ROS1: variants seen among roughly 807,000 people sequenced by gnomAD.
ROS1 encodes the protein ROS proto-oncogene 1, receptor tyrosine kinase, also known as proto-oncogene tyrosine-protein kinase ROS.
In ROS1, 263 loss-of-function variants were observed where a neutral mutation model predicts 273.5. That is an observed-to-expected ratio of 0.96 (90% CI 0.87 to 1.06). The LOEUF (loss-of-function observed/expected upper bound fraction) is 1.06, where lower values mean the gene tolerates loss of function less well. Among genes scored for constraint, ROS1 ranks in the 50% least tolerant of loss-of-function variants. The pLI is 0.00. For missense variants in ROS1, 2,833 were observed against 2,751.1 expected (o/e 1.03, Z -0.67); for synonymous variants, 1,008 against 954.1 (o/e 1.06, Z -1.04).
intron 42 of ROS1, 109 bp downstream of exon 42, chr6:117,308,685 A>T: frequency 9.7e-7 from 1 of 1,035,938 alleles, no homozygotes; most frequent in Non-Finnish European, 1.4e-6. Flanking sequence ...TACAATATTT[A>T]AGTTCCAGTT....
intron 18 of ROS1, among the ~76,000 whole-genome samples, chr6:117,375,698 G>C (rs778185424): frequency 8.5e-5 from 13 of 152,142 alleles, no homozygotes; most frequent in Non-Finnish European, 1.5e-4. Context: ...TGTGGCCATA[G>C]TAATATCAGA....
At chr6:117,346,383 A>C (rs564536888) in intron 27 of ROS1, among the ~76,000 whole-genome samples, 13 of 152,180 alleles carry the variant, frequency 8.5e-5, no homozygotes, top group African/African-American at 2.9e-4. Flanking sequence ...GTACCTAGAA[A>C]CTAGCAACAT....
intron 28 of ROS1, among the ~76,000 whole-genome samples, chr6:117,343,693 G>A (rs1039682699): frequency 2.6e-5 from 4 of 152,110 alleles, no homozygotes; most frequent in Admixed American, 6.5e-5. Context: ...TGTTCTTTCC[G>A]TCCAGTTCAT....
chr6:117,326,553 A>G (rs2128582887), intron 33 of ROS1, 139 bp from the exon 34 acceptor site: 3 of 547,780 alleles, frequency 5.5e-6, no homozygotes, highest in Non-Finnish European at 6.2e-6. Context: ...CTCTCCCATA[A>G]TCTGGCAACA....
chr6:117,333,839 A>G (rs992508898), intron 32 of ROS1, among the ~76,000 whole-genome samples: 1 of 152,186 alleles, frequency 6.6e-6, no homozygotes, highest in Non-Finnish European at 1.5e-5. Flanking sequence ...TTTATGGAAC[A>G]TATCTCTAAA....
intron 26 of ROS1, among the ~76,000 whole-genome samples, chr6:117,354,783 A>T (rs541948104): frequency 6.6e-6 from 1 of 152,252 alleles, no homozygotes; most frequent in African/African-American, 2.4e-5. Flanking sequence ...AAAGAAAAAA[A>T]TTATTCTGAC....
chr6:117,409,374 C>G (rs1298285498), intron 5 of ROS1, among the ~76,000 whole-genome samples: 4 of 152,114 alleles, frequency 2.6e-5, no homozygotes, highest in Admixed American at 1.3e-4. Context: ...GTACTGTTTA[C>G]TCTGTTTTGT....
rs201337970 is a variant in ROS1, at chr6:117,310,319, C to T, written c.6216-38G>A. 76 of 1,295,730 alleles carry T rather than the reference C, an allele frequency of 5.9e-5. 1 individual carries two copies. The highest frequency in any genetic ancestry group is 4.3e-4 in the Admixed American group (18 of 42,328). The allele number at this position is 1,295,730 out of a possible 1,614,324, so 80.3% of individuals were successfully genotyped here. A position where few individuals can be genotyped will look rare whatever the true frequency, so the allele number is the denominator to read the frequency against. On this transcript the variant is annotated intron_variant, in intron 40 of 43. Transcript: ENST00000368507. Reference sequence around the variant, plus strand: ...TTATATTTAATAATAATAATAATAACAACAATAAAGTTCCAGAAATCAAAG... The same window carrying T: ...TTATATTTAATAATAATAATAATAATAACAATAAAGTTCCAGAAATCAAAG...
At chr6:117,301,751 TGAC>T (rs1394058785) in intron 42 of ROS1, 1 of 152,242 alleles carries the variant, frequency 6.6e-6, no homozygotes, top group Non-Finnish European at 1.5e-5. Context: ...TTGAAGAGGC[TGAC>T]ATTTAAAAGA....
chr6:117,356,183 T>C (rs1779290919), intron 26 of ROS1, among the ~76,000 whole-genome samples: 1 of 152,172 alleles, frequency 6.6e-6, no homozygotes. Context: ...TTTAGGATAG[T>C]GGGAAGATCA....
At position 117,326,354 on chromosome 6, in the gene ROS1, T is replaced by C; in HGVS notation, c.5409A>G (p.Gly1803=). 1 of 1,584,998 alleles carries C rather than the reference T, an allele frequency of 6.3e-7. No individual in the cohort carries two copies. The highest frequency in any genetic ancestry group is 8.5e-7 in the Non-Finnish European group (1 of 1,170,362). Residue 1803 remains glycine (G), a synonymous_variant, in exon 34 of 44, where the codon GGA becomes GGG. Transcript: ENST00000368507. ...TCCATGTGCAAACACTACTGCAGGA[T>C]CCATTAAATGTCATCTTCCACCTTA... ...QNLRWKMTFN[G]SCSSVCTWKS...
chr6:117,303,303 C>A (rs146437389), intron 42 of ROS1, among the ~76,000 whole-genome samples: 33 of 152,236 alleles, frequency 2.2e-4, no homozygotes, highest in Middle Eastern at 6.8e-3. Context: ...ATTATAAGTT[C>A]TTTGCAAAGT....
intron 43 of ROS1, among the ~76,000 whole-genome samples, chr6:117,289,530 G>A (rs1773676296): frequency 6.6e-6 from 1 of 152,056 alleles, no homozygotes; most frequent in African/African-American, 2.4e-5. Context: ...TTTAACACCT[G>A]AACTACAAAG....
chr6:117,292,065 G>A (rs1408738955), intron 43 of ROS1, among the ~76,000 whole-genome samples: 2 of 151,826 alleles, frequency 1.3e-5, no homozygotes, highest in Non-Finnish European at 2.9e-5. Flanking sequence ...TGCCTCCCAG[G>A]TTCACGCCAT....
rs1413510891 is a variant in ROS1 at position 117,341,406 on chromosome 6, C to T, written c.4878G>A (p.Val1626=). The change falls in exon 30 of 44, where the codon GTG becomes GTA. Residue 1626 remains valine (V), a synonymous_variant. Coordinates refer to ENST00000368507, the MANE Select transcript of ROS1 (RefSeq NM_001378902.1). ...VTRLSGGNIY[V]LKVLACHSEE... Reference sequence around the variant, plus strand: ...CCTAGTAAACTCACTGTACCTTTAACACATAAATATTTCCACCAGACAGTC... The same window carrying T: ...CCTAGTAAACTCACTGTACCTTTAATACATAAATATTTCCACCAGACAGTC... 1 of 1,613,218 alleles carries T rather than the reference C, an allele frequency of 6.2e-7. No homozygotes were observed. Among genetic ancestry groups the T allele is most frequent in the Non-Finnish European group, 8.5e-7 (1 of 1,179,264 alleles).
rs554006864 is a variant in ROS1, at chr6:117,403,396, C to T, written c.466-119G>A. The stretch of plus-strand genomic sequence containing the variant: ...TCAACAGAGAAGATGAAATAAGAGG[C>T]CTGGAGCTTAGAGCTAAGCCATTCA... On this transcript the variant is annotated intron_variant, in intron 6 of 43. Transcript: ENST00000368507. The T allele has an allele frequency of 1.6e-5, 16 of 1,031,342 alleles. 1 individual carries two copies. The highest frequency in any genetic ancestry group is 7.7e-5 in the South Asian group (5 of 64,688). The allele number at this position is 1,031,342 out of a possible 1,614,324, so 63.9% of individuals were successfully genotyped here.
At chr6:117,341,781 C>A in intron 29 of ROS1, 149 bp from the exon 30 acceptor site, 1 of 641,920 alleles carries the variant, frequency 1.6e-6, no homozygotes, top group South Asian at 2.0e-5. Context: ...CTTCTATAAT[C>A]GTAGGTTAAC....
intron 23 of ROS1, 57 bp from the exon 24 acceptor site, chr6:117,360,068 A>C: frequency 7.1e-7 from 1 of 1,408,802 alleles, no homozygotes; most frequent in Non-Finnish European, 9.9e-7. Flanking sequence ...TTAGCTTAGC[A>C]AAGTCTCGAT....
intron 13 of ROS1, 31 bp downstream of exon 13, chr6:117,389,318 GC>G: frequency 1.0e-5 from 16 of 1,571,422 alleles, no homozygotes; most frequent in Non-Finnish European, 1.3e-5. Flanking sequence ...TTCCAGCAAG[GC>G]CAGTAACCAC....
Sources: allele counts gnomAD v4.1 joint callset (sites outside exome capture counted in the v4.1 genomes callset), GRCh38; gene constraint gnomAD v4.1.1; transcripts MANE v1.5; gene names NCBI Gene and HGNC (gene_info 2026-07-23, HGNC 2026-07-21).